Variants in KCNIP4 observed in about 807,000 individuals in gnomAD.
KCNIP4 encodes potassium voltage-gated channel interacting protein 4.
KCNIP4 carries 12 observed loss-of-function variants against 34.0 expected under a neutral mutation model. The ratio of observed to expected loss-of-function variants is 0.35; its 90% CI spans 0.23 to 0.57. KCNIP4 has a LOEUF of 0.57. Ranked by LOEUF, KCNIP4 falls within the 20% of genes least tolerant of loss-of-function variation. The probability of loss-of-function intolerance (pLI) is 0.83; values close to 1 mark genes in which losing one functional copy is unlikely to be tolerated. For synonymous variants in KCNIP4, 124 were observed against 102.2 expected (o/e 1.21, Z -1.29); for missense variants, 238 against 311.7 (o/e 0.76, Z 1.78).
intron 1 of KCNIP4, among the ~76,000 whole-genome samples, chr4:21,809,211 C>T (rs1411251351): frequency 6.6e-6 from 1 of 152,062 alleles, no homozygotes. Context: ...CCATTAAGGG[C>T]TCAAATAGGA....
At chr4:21,085,794 A>G (rs1697484227) in intron 1 of KCNIP4, among the ~76,000 whole-genome samples, 1 of 152,204 alleles carries the variant, frequency 6.6e-6, no homozygotes. Flanking sequence ...ACTGTGAGAA[A>G]TCAGAAGTTC....
intron 1 of KCNIP4, among the ~76,000 whole-genome samples, chr4:21,688,427 T>C (rs1003808189): frequency 3.9e-4 from 60 of 152,288 alleles, no homozygotes; most frequent in African/African-American, 1.4e-3. Flanking sequence ...TGAACCAGGT[T>C]TTCTGTCTTT....
At chr4:21,171,976 A>C in intron 1 of KCNIP4, among the ~76,000 whole-genome samples, 1 of 152,176 alleles carries the variant, frequency 6.6e-6, no homozygotes, top group Non-Finnish European at 1.5e-5. Flanking sequence ...CTTTCCTAGG[A>C]GCCAACATCT....
At chr4:20,898,160 G>C (rs1423148966) in intron 1 of KCNIP4, among the ~76,000 whole-genome samples, 3 of 152,104 alleles carry the variant, frequency 2.0e-5, no homozygotes, top group Non-Finnish European at 4.4e-5. Context: ...TTGGACTCCA[G>C]AACTTACATC....
chr4:21,748,560 A>C (rs891250677), intron 1 of KCNIP4, among the ~76,000 whole-genome samples: 3 of 152,178 alleles, frequency 2.0e-5, no homozygotes, highest in Non-Finnish European at 4.4e-5. Flanking sequence ...TCTTTATTAT[A>C]GGAGCTTTCT....
At chr4:21,249,217 C>T (rs1160016243) in intron 1 of KCNIP4, among the ~76,000 whole-genome samples, 1 of 151,938 alleles carries the variant, frequency 6.6e-6, no homozygotes, top group Admixed American at 6.6e-5. Context: ...GATAGATATA[C>T]AAACATGCAT....
intron 1 of KCNIP4, among the ~76,000 whole-genome samples, chr4:21,826,357 G>A (rs1160642779): frequency 2.0e-5 from 3 of 152,052 alleles, no homozygotes; most frequent in Non-Finnish European, 4.4e-5. Flanking sequence ...TAAGACTCTG[G>A]AAATATTTTG....
chr4:21,280,066 G>A (rs969905078), intron 1 of KCNIP4, among the ~76,000 whole-genome samples: 1 of 152,112 alleles, frequency 6.6e-6, no homozygotes, highest in Non-Finnish European at 1.5e-5. Context: ...TCTAAATATT[G>A]CAGGGCTTTT....
At position 20,959,413 on chromosome 4, in the gene KCNIP4, C is replaced by T. The variant is rs563193990; in HGVS notation, c.62-76704G>A. Reference sequence around the variant, plus strand: ...GCTGAAATTGTACACAAGTTTAAGGCTTGGCCCCAAAATGCTAAAATTGTA... The same window carrying T: ...GCTGAAATTGTACACAAGTTTAAGGTTTGGCCCCAAAATGCTAAAATTGTA... On this transcript the variant is annotated intron_variant, in intron 1 of 8. Coordinates refer to ENST00000382152, the MANE Select transcript of KCNIP4 (RefSeq NM_025221.6). 5.3e-5 allele frequency among the ~76,000 whole-genome samples: 8 copies of T among 152,292 alleles called. No homozygotes were observed. In the South Asian group the frequency reaches 1.5e-3, roughly 28 times the overall value.
chr4:21,902,871 T>A (rs1727786967), intron 1 of KCNIP4, among the ~76,000 whole-genome samples: 1 of 152,142 alleles, frequency 6.6e-6, no homozygotes, highest in Non-Finnish European at 1.5e-5. Context: ...GCCACCGTAT[T>A]TTCTCTCGAA....
chr4:20,946,414 G>T (rs1013643412), intron 1 of KCNIP4, among the ~76,000 whole-genome samples: 6 of 152,126 alleles, frequency 3.9e-5, no homozygotes, highest in Non-Finnish European at 8.8e-5. Context: ...GTGGTCAGAT[G>T]GTGGTGAGCA....
At chr4:21,568,346 C>T (rs554511797) in intron 1 of KCNIP4, among the ~76,000 whole-genome samples, 1 of 152,204 alleles carries the variant, frequency 6.6e-6, no homozygotes. Context: ...GATATTTGGA[C>T]ATAGACATAT....
chr4:21,282,484 G>A (rs901323753), intron 1 of KCNIP4, among the ~76,000 whole-genome samples: 19 of 151,716 alleles, frequency 1.3e-4, no homozygotes, highest in Non-Finnish European at 2.6e-4. Flanking sequence ...GTGTGTGTGT[G>A]TGTGTGTGTG....
chr4:20,977,804 T>C (rs1735632952), intron 1 of KCNIP4, among the ~76,000 whole-genome samples: 1 of 152,190 alleles, frequency 6.6e-6, no homozygotes, highest in Non-Finnish European at 1.5e-5. Context: ...TCTCAACTCT[T>C]GAGATGTAAA....
At chr4:20,764,204 A>G (rs942545012) in intron 3 of KCNIP4, among the ~76,000 whole-genome samples, 1 of 152,162 alleles carries the variant, frequency 6.6e-6, no homozygotes, top group African/African-American at 2.4e-5. Context: ...AAATTAAAGA[A>G]AATGAAAATC....
At chr4:21,614,502 A>G (rs1211864522) in intron 1 of KCNIP4, among the ~76,000 whole-genome samples, 1 of 148,344 alleles carries the variant, frequency 6.7e-6, no homozygotes, top group East Asian at 1.9e-4. Flanking sequence ...TTATATATAT[A>G]ATATATATAG....
At chr4:21,633,713 T>C (rs1577725609) in intron 1 of KCNIP4, among the ~76,000 whole-genome samples, 1 of 152,270 alleles carries the variant, frequency 6.6e-6, no homozygotes, top group East Asian at 1.9e-4. Context: ...CTAAGAACTT[T>C]TGTTAATATG....
At chr4:21,708,605 C>A (rs1713474498) in intron 1 of KCNIP4, among the ~76,000 whole-genome samples, 1 of 152,120 alleles carries the variant, frequency 6.6e-6, no homozygotes, top group Non-Finnish European at 1.5e-5. Flanking sequence ...CCTAAAGCCA[C>A]CTGCAGACCA....
At chr4:20,748,591 TATATATA>T (rs1752926159) in intron 5 of KCNIP4, among the ~76,000 whole-genome samples, 1 of 102,404 alleles carries the variant, frequency 9.8e-6, no homozygotes, top group African/African-American at 3.7e-5. Context: ...TATATATATA[TATATATA>T]TATATATTCC....
Sources: gnomAD v4.1 joint callset for allele counts (sites outside exome capture counted in the v4.1 genomes callset) on GRCh38, gnomAD v4.1.1 for gene constraint, MANE v1.5 for transcripts, NCBI Gene and HGNC (gene_info 2026-07-23, HGNC 2026-07-21) for gene names.